The following MEGF6 variants were observed in gnomAD, a reference collection of about 807,000 sequenced individuals.
MEGF6 encodes multiple epidermal growth factor-like domains protein 6.
In MEGF6, 184 loss-of-function variants were observed where a neutral mutation model predicts 207.1. The observed-to-expected ratio is 0.89, with a 90% CI of 0.79 to 1.00. The LOEUF (loss-of-function observed/expected upper bound fraction) is 1.00, where lower values mean the gene tolerates loss of function less well. Ranked by LOEUF, MEGF6 falls within the 50% of genes least tolerant of loss-of-function variation. The pLI is 0.00. For synonymous variants in MEGF6, 1,038 were observed against 910.0 expected, an observed-to-expected ratio of 1.14 and a Z score of -2.53; for missense variants, 2,282 against 2,202.9, an observed-to-expected ratio of 1.04 and a Z score of -0.72.
At chr1:3,532,979 G>GAT (rs1557756450) in intron 4 of MEGF6, among the ~76,000 whole-genome samples, 1 of 152,232 alleles carries the variant, frequency 6.6e-6, no homozygotes, top group African/African-American at 2.4e-5. Context: ...CAATTGAGCA[G>GAT]AACTCCAGCC....
Position 3,509,100 on chromosome 1 carries a change from G to A in MEGF6, c.1503C>T (p.Gly501=), listed in dbSNP as rs763504724. The A allele has an allele frequency of 5.1e-5, 81 of 1,597,326 alleles. No homozygotes were observed. The highest frequency in any genetic ancestry group is 5.9e-5 in the Non-Finnish European group (69 of 1,173,090). The part of the protein sequence containing the change: ...GADEEEAELR[G]EHTLTEKFVC... ...CAAACTTCTCTGTGAGCGTGTGTTC[G>A]CCCCGCAACTCTGCCTCTTCCTCAT... The change falls in exon 12 of 37, where the codon GGC becomes GGT. Residue 501 remains glycine, a synonymous_variant. Coordinates refer to ENST00000356575, the MANE Select transcript of MEGF6 (RefSeq NM_001409.4).
chr1:3,509,124 A>G lies in MEGF6; in HGVS notation c.1479T>C (p.Asp493=), dbSNP rs750064131. 2 of 1,601,876 alleles carry G rather than the reference A, an allele frequency of 1.2e-6. No individual in the cohort carries two copies. The highest frequency in any genetic ancestry group is 1.7e-6 in the Non-Finnish European group (2 of 1,175,038). Residue 493 remains aspartate, a synonymous_variant, in exon 12 of 37, where the codon GAT becomes GAC. Coordinates refer to ENST00000356575, the MANE Select transcript of MEGF6 (RefSeq NM_001409.4). The part of the protein sequence containing the change: ...QLFQDDDVGA[D]EEEAELRGEH... ...CGCCCCGCAACTCTGCCTCTTCCTCATCGGCCCCGACGTCGTCATCCTGGA... is the reference window on the plus strand; with the variant it reads ...CGCCCCGCAACTCTGCCTCTTCCTCGTCGGCCCCGACGTCGTCATCCTGGA...
At chr1:3,539,946 G>C (rs1165342389) in intron 4 of MEGF6, among the ~76,000 whole-genome samples, 1 of 152,128 alleles carries the variant, frequency 6.6e-6, no homozygotes, top group Non-Finnish European at 1.5e-5. Context: ...CCCCGGGGTC[G>C]CACCTGTCCA....
At chr1:3,571,288 G>A (rs563507458) in intron 4 of MEGF6, among the ~76,000 whole-genome samples, 44 of 152,242 alleles carry the variant, frequency 2.9e-4, no homozygotes, top group Middle Eastern at 3.4e-3. Flanking sequence ...TCAGGTGTCC[G>A]GTGCTTGTAG....
At position 3,611,378 on chromosome 1, in the gene MEGF6, CGCTCCGCGGAGCCCAA is replaced by C; in HGVS notation, c.-126_-111del. ...GGACGCAGCCACAGGTGCCCGCGCC[CGCTCCGCGGAGCCCAA>C]GGTCGCTGCAGGTGCGGAGCGTCCC... On this transcript the variant is annotated 5_prime_UTR_variant, in exon 1 of 37. Transcript: ENST00000356575. The C allele has an allele frequency of 3.8e-6, 5 of 1,313,610 alleles. No individual in the cohort carries two copies. The highest frequency in any genetic ancestry group is 3.9e-6 in the Non-Finnish European group (4 of 1,028,212). The allele number at this position is 1,313,610 out of a possible 1,614,324, so 81.4% of individuals were successfully genotyped here.
chr1:3,549,255 C>T (rs114683813), intron 4 of MEGF6, among the ~76,000 whole-genome samples: 3,340 of 152,264 alleles, frequency 0.022, 143 homozygotes, highest in African/African-American at 0.077. Flanking sequence ...GCAGGTGGAC[C>T]GGCCACCAGG....
intron 18 of MEGF6, 111 bp downstream of exon 18, chr1:3,501,685 C>G: frequency 7.1e-7 from 1 of 1,414,596 alleles, no homozygotes; most frequent in Non-Finnish European, 9.4e-7. Context: ...CTCACACCTG[C>G]TATAGACGGG....
chr1:3,503,071 A>T (rs1443803046), intron 17 of MEGF6, among the ~76,000 whole-genome samples: 1 of 152,198 alleles, frequency 6.6e-6, no homozygotes, highest in Non-Finnish European at 1.5e-5. Flanking sequence ...GCTGAGAGCC[A>T]GGATGTGCCC....
At chr1:3,577,905 C>T (rs541954451) in intron 4 of MEGF6, among the ~76,000 whole-genome samples, 53 of 152,344 alleles carry the variant, frequency 3.5e-4, no homozygotes, top group African/African-American at 8.9e-4. Context: ...CACGAGACGC[C>T]GAGTTCCCCC....
upstream of MEGF6, among the ~76,000 whole-genome samples, chr1:3,614,279 C>A (rs1280907040): frequency 6.6e-6 from 1 of 152,208 alleles, no homozygotes; most frequent in Non-Finnish European, 1.5e-5. Flanking sequence ...TACTGGAGGG[C>A]ATGGGTGTCA....
intron 4 of MEGF6, among the ~76,000 whole-genome samples, chr1:3,559,826 A>G (rs1438297267): frequency 1.3e-5 from 2 of 151,520 alleles, no homozygotes; most frequent in African/African-American, 2.4e-5. Flanking sequence ...CCTGGCCAAC[A>G]TGGTGAAACC....
rs778230063 is a variant in MEGF6, at chr1:3,493,867, G to T, written c.4291C>A (p.His1431Asn). The T allele has an allele frequency of 1.9e-6, 3 of 1,596,004 alleles. No individual in the cohort carries two copies. Among genetic ancestry groups the T allele is most frequent in the South Asian group, 2.3e-5 (2 of 88,662 alleles). ...CEPGSFGEGCHQRCDCDGGAP... is the reference protein window; with the variant it reads ...CEPGSFGEGCNQRCDCDGGAP... ...CCCCCGTCACAGTCACAGCGCTGGT[G>T]GCAGCCCTCTCCAAATGAACCTGGC... Residue 1431 changes from histidine (H) to asparagine (N), a missense_variant, in exon 34 of 37, where the codon CAC (histidine) becomes AAC (asparagine). Transcript: ENST00000356575.
At chr1:3,520,071 G>A (rs897204054) in intron 5 of MEGF6, among the ~76,000 whole-genome samples, 1 of 152,244 alleles carries the variant, frequency 6.6e-6, no homozygotes, top group Non-Finnish European at 1.5e-5. Flanking sequence ...AAGGGGAGAA[G>A]GACAGCGGGC....
intron 4 of MEGF6, among the ~76,000 whole-genome samples, chr1:3,576,792 C>A (rs1037700052): frequency 1.3e-5 from 2 of 150,330 alleles, no homozygotes; most frequent in Non-Finnish European, 3.0e-5. Context: ...CCTGGCCCTG[C>A]ACACTCCACC....
At chr1:3,578,885 C>T (rs1412543044) in intron 4 of MEGF6, among the ~76,000 whole-genome samples, 2 of 152,238 alleles carry the variant, frequency 1.3e-5, no homozygotes, top group Non-Finnish European at 1.5e-5. Context: ...CAGAACCCCT[C>T]CTCAGCCCGG....
At chr1:3,587,966 G>C (rs371248213) in intron 3 of MEGF6, among the ~76,000 whole-genome samples, 1 of 5,142 alleles carries the variant, frequency 1.9e-4, no homozygotes, top group South Asian at 0.016. Context: ...GCAGGAGGGG[G>C]CAGGAGTGGC....
rs1254198589 is a variant in MEGF6 at position 3,602,485 on chromosome 1, A to C, written c.247T>G (p.Cys83Gly). 1 of 1,613,184 alleles carries C rather than the reference A, an allele frequency of 6.2e-7. No individual in the cohort carries two copies. Among genetic ancestry groups the C allele is most frequent in the Non-Finnish European group, 8.5e-7 (1 of 1,179,856 alleles). The stretch of plus-strand genomic sequence containing the variant: ...ACTTACCTCCGCTCATGACCCACGC[A>C]CCACGCCTGCCACCCACAGCCGGCC... Reference protein sequence around the residue: ...WKAGCGWQAWCVGHERRTVYY... With the variant: ...WKAGCGWQAWGVGHERRTVYY... The change falls in exon 2 of 37, where the codon TGC becomes GGC. Residue 83 changes from cysteine to glycine, a missense_variant. Cys to Gly is a radical substitution (Grantham distance 159, BLOSUM62 -3). Transcript: ENST00000356575.
At chr1:3,554,614 T>C (rs1642981541) in intron 4 of MEGF6, among the ~76,000 whole-genome samples, 1 of 152,156 alleles carries the variant, frequency 6.6e-6, no homozygotes, top group African/African-American at 2.4e-5. Context: ...AAAGTGAGAA[T>C]GACTGGGCCC....
chr1:3,575,333 C>A (rs1039835309), intron 4 of MEGF6, among the ~76,000 whole-genome samples: 1 of 152,150 alleles, frequency 6.6e-6, no homozygotes, highest in Non-Finnish European at 1.5e-5. Flanking sequence ...CCCCAAAGTC[C>A]TCCCAGGGAC....
Sources: gnomAD v4.1 joint callset for allele counts (sites outside exome capture counted in the v4.1 genomes callset) on GRCh38, gnomAD v4.1.1 for gene constraint, MANE v1.5 for transcripts, NCBI Gene and HGNC (gene_info 2026-07-23, HGNC 2026-07-21) for gene names.